Variants in AP3B2 observed in about 807,000 individuals in gnomAD.
AP3B2 encodes the protein adaptor related protein complex 3 subunit beta 2.
In AP3B2, 50 loss-of-function variants were observed where a neutral mutation model predicts 126.9. The ratio of observed to expected loss-of-function variants is 0.39; its 90% CI spans 0.31 to 0.50. AP3B2 has a LOEUF of 0.50. Ranked by LOEUF, AP3B2 falls within the 20% of genes least tolerant of loss-of-function variation. The probability of loss-of-function intolerance (pLI) is 0.79; values close to 1 mark genes in which losing one functional copy is unlikely to be tolerated. For synonymous variants in AP3B2, 541 were observed against 565.0 expected, an observed-to-expected ratio of 0.96 and a Z score of 0.60; for missense variants, 1,177 against 1,426.4, an observed-to-expected ratio of 0.83 and a Z score of 2.82.
intron 1 of AP3B2, among the ~76,000 whole-genome samples, chr15:82,696,849 AT>A (rs1156267433): frequency 6.6e-6 from 1 of 152,196 alleles, no homozygotes; most frequent in African/African-American, 2.4e-5. Context: ...CATGAAAAAA[AT>A]GTGTCTATAT....
chr15:82,677,439 G>C (rs1456615725), intron 12 of AP3B2, 56 bp from the exon 13 acceptor site: 21 of 1,519,762 alleles, frequency 1.4e-5, no homozygotes, highest in Non-Finnish European at 1.9e-5. Context: ...CCACACTCAG[G>C]TGGACAGACA....
intron 14 of AP3B2, among the ~76,000 whole-genome samples, chr15:82,669,800 G>A (rs780967605): frequency 1.1e-4 from 17 of 151,294 alleles, no homozygotes; most frequent in East Asian, 5.9e-4. Flanking sequence ...TCAGGAGTTC[G>A]AGACCAGTCT....
Position 82,664,379 on chromosome 15 carries a change from C to T in AP3B2, c.2249G>A (p.Arg750Lys). Residue 750 changes from arginine (R) to lysine (K), a missense_variant, in exon 19 of 27, where the codon AGA becomes AAA. Physicochemically the swap from Arg to Lys is conservative, Grantham distance 26. Around this residue, in one of 5 missense-constraint regions of AP3B2, gnomAD observed 587 missense variants for 571.3 expected, o/e 1.03. Coordinates refer to ENST00000535359, the MANE Select transcript of AP3B2 (RefSeq NM_001278512.2). The surrounding 1 kb of genome is among the most constrained non-coding windows in gnomAD (Gnocchi z 4.5). ...GCTCCCTTCTCACCTCTCACTGCCT[C>T]TCCCTTTCTCCTCATCCTCATCCTG... ...EDQDEDEEKG[R>K]GSESEQSEED... 6 of 1,613,974 alleles carry T rather than the reference C, an allele frequency of 3.7e-6. No individual in the cohort carries two copies. The highest frequency in any genetic ancestry group is 5.1e-6 in the Non-Finnish European group (6 of 1,179,876).
In AP3B2 at chr15:82,662,435, C is replaced by T. The variant is rs984895595; in HGVS notation, c.2834-183G>A. On this transcript the variant is annotated intron_variant, in intron 23 of 26. Coordinates refer to ENST00000535359, the MANE Select transcript of AP3B2 (RefSeq NM_001278512.2). ...CTCCTGAACTCTAAGCACCCTTTCC[C>T]CCACTCACCCTCACCACATTTAAGT... 4.6e-6 allele frequency: 3 copies of T among 649,440 alleles called. No individual in the cohort carries two copies. In the African/African-American group the frequency reaches 5.5e-5, roughly 12 times the overall value. The allele number at this position is 649,440 out of a possible 1,614,324, so 40.2% of individuals were successfully genotyped here.
chr15:82,704,131 T>C (rs577604961), intron 1 of AP3B2, among the ~76,000 whole-genome samples: 1 of 152,334 alleles, frequency 6.6e-6, no homozygotes, highest in Non-Finnish European at 1.5e-5. Context: ...AGTTAGTATT[T>C]AGGCTCTTTT....
chr15:82,661,999 C>T, intron 24 of AP3B2, 77 bp from the exon 25 acceptor site: 2 of 1,430,764 alleles, frequency 1.4e-6, no homozygotes, highest in Admixed American at 1.9e-5. Context: ...TGTAGAGGCA[C>T]AGCTTGGAGG....
At chr15:82,697,302 C>G (rs2048644356) in intron 1 of AP3B2, among the ~76,000 whole-genome samples, 1 of 151,848 alleles carries the variant, frequency 6.6e-6, no homozygotes, top group Non-Finnish European at 1.5e-5. Flanking sequence ...CCACTGCACT[C>G]CAGCCTGGGC....
chr15:82,662,300 C>G (rs1456130859), intron 23 of AP3B2, 48 bp from the exon 24 acceptor site: 7 of 1,415,058 alleles, frequency 4.9e-6, no homozygotes, highest in Non-Finnish European at 5.9e-6. Flanking sequence ...CCACCATCAC[C>G]TGATAGGTCT....
intron 23 of AP3B2, 185 bp from the exon 24 acceptor site, chr15:82,662,437 C>A (rs761343332): frequency 5.6e-5 from 36 of 647,040 alleles, no homozygotes; most frequent in Non-Finnish European, 7.2e-5. Context: ...CCCTTTCCCC[C>A]ACTCACCCTC....
chr15:82,680,404 C>T lies in AP3B2; in HGVS notation c.1055+68G>A. Reference sequence around the variant, plus strand: ...GAAGCGGCTGGTGGGCGTGAGGGGGCGGAGCCGGGCAGCCCGTGGGGCGGG... The same window carrying T: ...GAAGCGGCTGGTGGGCGTGAGGGGGTGGAGCCGGGCAGCCCGTGGGGCGGG... On this transcript the variant is annotated intron_variant, in intron 8 of 26. Coordinates refer to ENST00000535359, the MANE Select transcript of AP3B2 (RefSeq NM_001278512.2). The surrounding 1 kb of genome is among the most constrained non-coding windows in gnomAD (Gnocchi z 6.1). The T allele has an allele frequency of 7.3e-7, 1 of 1,374,478 alleles. No homozygotes were observed. The highest frequency in any genetic ancestry group is 2.8e-5 in the East Asian group (1 of 35,156). The allele number at this position is 1,374,478 out of a possible 1,614,324, so 85.1% of individuals were successfully genotyped here. A position where few individuals can be genotyped will look rare whatever the true frequency, so the allele number is the denominator to read the frequency against.
At chr15:82,670,166 G>A (rs113272695) in intron 14 of AP3B2, among the ~76,000 whole-genome samples, 61,682 of 119,932 alleles carry the variant, frequency 0.51, 16,687 homozygotes, top group Non-Finnish European at 0.59. Context: ...CTGGAGTGCA[G>A]TGGCGCGATC....
intron 1 of AP3B2, among the ~76,000 whole-genome samples, chr15:82,701,508 C>T (rs2048719062): frequency 6.6e-6 from 1 of 152,158 alleles, no homozygotes; most frequent in Non-Finnish European, 1.5e-5. Context: ...AGTCAAATTT[C>T]TTGAAAGCAA....
At chr15:82,662,990 C>T (rs2047981011) in intron 22 of AP3B2, 68 bp from the exon 23 acceptor site, 1 of 1,546,092 alleles carries the variant, frequency 6.5e-7, no homozygotes, top group East Asian at 2.4e-5. Flanking sequence ...GCATTGTCCC[C>T]TAGGGCCATC....
At position 82,709,676 on chromosome 15, in the gene AP3B2, T is replaced by G. The variant is rs928214078; in HGVS notation, c.31A>C (p.Lys11Gln). The change falls in exon 1 of 27, where the codon AAG becomes CAG. Residue 11 changes from lysine (K) to glutamine (Q), a missense_variant. This residue lies in a region of AP3B2 where 49 missense variants were observed against 39.3 expected (regional missense o/e 1.25). Transcript: ENST00000535359. ...TCCCCGGGGCCAGCGGAGCCGCCCT[T>G]GTCTTCGCTGTAGGCGGGGGCGGCC... is the stretch of plus-strand genomic sequence containing the variant. MSAAPAYSEDKGGSAGPGEPE... is the reference protein window; with the variant it reads MSAAPAYSEDQGGSAGPGEPE... 1 of 1,503,138 alleles carries G rather than the reference T, an allele frequency of 6.7e-7. No homozygotes were observed. Among genetic ancestry groups the G allele is most frequent in the African/African-American group, 1.4e-5 (1 of 69,262 alleles). The allele number at this position is 1,503,138 out of a possible 1,614,324, so 93.1% of individuals were successfully genotyped here. A position where few individuals can be genotyped will look rare whatever the true frequency, so the allele number is the denominator to read the frequency against.
intron 26 of AP3B2, 27 bp from the exon 27 acceptor site, chr15:82,659,737 A>C: frequency 6.2e-7 from 1 of 1,613,224 alleles, no homozygotes; most frequent in African/African-American, 1.3e-5. Flanking sequence ...AGGGGTGAGG[A>C]AGAGCTGCTA....
At position 82,709,671 on chromosome 15, in the gene AP3B2, G is replaced by T; in HGVS notation, c.36C>A (p.Gly12=). The T allele has an allele frequency of 1.3e-6, 2 of 1,505,810 alleles. No homozygotes were observed. Among genetic ancestry groups the T allele is most frequent in the Non-Finnish European group, 8.9e-7 (1 of 1,129,424 alleles). The allele number at this position is 1,505,810 out of a possible 1,614,324, so 93.3% of individuals were successfully genotyped here. ...SAAPAYSEDK[G]GSAGPGEPEY... ...CGGGCTCCCCGGGGCCAGCGGAGCC[G>T]CCCTTGTCTTCGCTGTAGGCGGGGG... The change falls in exon 1 of 27, where the codon GGC becomes GGA. Residue 12 remains glycine, a synonymous_variant. Coordinates refer to ENST00000535359, the MANE Select transcript of AP3B2 (RefSeq NM_001278512.2).
Position 82,659,285 on chromosome 15 carries a change from G to A in AP3B2, c.*275C>T. The A allele has an allele frequency of 2.7e-6, 1 of 372,624 alleles. No homozygotes were observed. The highest frequency in any genetic ancestry group is 4.9e-6 in the Non-Finnish European group (1 of 204,146). 23.1% of individuals were successfully genotyped at this position (372,624 alleles called of 1,614,324 possible). On this transcript the variant is annotated 3_prime_UTR_variant, in exon 27 of 27. Coordinates refer to ENST00000535359, the MANE Select transcript of AP3B2 (RefSeq NM_001278512.2). ...AAGGAAAGGTGAGCCAGCAGCTAGA[G>A]AGAAGACATTTTATTGAGCCTGCTA...
rs187363669 is a variant in AP3B2 at position 82,682,279 on chromosome 15, C to G, written c.361-699G>C. 8.9e-3 allele frequency among the ~76,000 whole-genome samples: 1,349 copies of G among 152,146 alleles called. 24 individuals are homozygous for G. The highest frequency in any genetic ancestry group is 0.031 in the African/African-American group (1,285 of 41,526). Reference sequence around the variant, plus strand: ...TGTTGGCCAGGCTGGTCTCGAACTCCTGGCCGCAAGTGATCCGCCCACCTC... The same window carrying G: ...TGTTGGCCAGGCTGGTCTCGAACTCGTGGCCGCAAGTGATCCGCCCACCTC... On this transcript the variant is annotated intron_variant, in intron 4 of 26. Coordinates refer to ENST00000535359, the MANE Select transcript of AP3B2 (RefSeq NM_001278512.2).
Position 82,665,503 on chromosome 15 carries a change from G to A in AP3B2, c.1925C>T (p.Pro642Leu), listed in dbSNP as rs751484351. Reference protein sequence around the residue: ...NAKATGYQELPDWPEEAPDPS... With the variant: ...NAKATGYQELLDWPEEAPDPS... ...GTCTGGGGCTTCCTCCGGCCAGTCT[G>A]GGAGCTCCTGGTAGCCTGTGGCCTT... The change falls in exon 16 of 27, where the codon CCA (proline) becomes CTA (leucine). Residue 642 changes from proline to leucine, a missense_variant. Pro to Leu is a moderately conservative substitution (Grantham distance 98). Around this residue, in one of 5 missense-constraint regions of AP3B2, gnomAD observed 308 missense variants for 452.4 expected, o/e 0.68. Transcript: ENST00000535359. The surrounding 1 kb of genome is among the most constrained non-coding windows in gnomAD (Gnocchi z 4.4). The A allele has an allele frequency of 6.2e-7, 1 of 1,613,898 alleles. No homozygotes were observed. Among genetic ancestry groups the A allele is most frequent in the South Asian group, 1.1e-5 (1 of 91,066 alleles).
Sources: gnomAD v4.1 joint callset for allele counts (sites outside exome capture counted in the v4.1 genomes callset) on GRCh38, gnomAD v4.1.1 for gene constraint, gnomAD v4.1.1 regional missense constraint, Gnocchi (gnomAD v3.1) non-coding constraint, MANE v1.5 for transcripts, NCBI Gene and HGNC (gene_info 2026-07-23, HGNC 2026-07-21) for gene names.